ZNF536: variants seen among roughly 807,000 people sequenced by gnomAD.
ZNF536 encodes zinc finger protein 536.
In ZNF536, 13 loss-of-function variants were observed where a neutral mutation model predicts 84.5. The observed-to-expected ratio is 0.15, with a 90% CI of 0.10 to 0.24. The LOEUF (loss-of-function observed/expected upper bound fraction) is 0.24, where lower values mean the gene tolerates loss of function less well. Among genes scored for constraint, ZNF536 ranks in the 10% least tolerant of loss-of-function variants. The probability of loss-of-function intolerance (pLI) is 1.00; values close to 1 mark genes in which losing one functional copy is unlikely to be tolerated. For synonymous variants in ZNF536, 811 were observed against 742.5 expected (o/e 1.09, Z -1.50); for missense variants, 1,536 against 1,747.5 (o/e 0.88, Z 2.16).
At chr19:30,657,199 T>C (rs918229542) in intron 1 of ZNF536, among the ~76,000 whole-genome samples, 2 of 152,106 alleles carry the variant, frequency 1.3e-5, no homozygotes, top group Admixed American at 1.3e-4. Flanking sequence ...TCTAACAGAC[T>C]GGGGGAGAGC....
At chr19:30,389,010 G>C (rs897971968) in intron 1 of ZNF536, among the ~76,000 whole-genome samples, 1 of 152,224 alleles carries the variant, frequency 6.6e-6, no homozygotes, top group African/African-American at 2.4e-5. Context: ...CGACCTGTGA[G>C]GAAGGAGGGA....
chr19:30,499,547 T>A (rs2054866222), intron 2 of ZNF536, among the ~76,000 whole-genome samples: 1 of 152,232 alleles, frequency 6.6e-6, no homozygotes, highest in Non-Finnish European at 1.5e-5. Flanking sequence ...TATGTATATG[T>A]GTGTGGACTC....
At chr19:30,607,492 G>A (rs2047941844) in intron 1 of ZNF536, among the ~76,000 whole-genome samples, 1 of 151,860 alleles carries the variant, frequency 6.6e-6, no homozygotes, top group Non-Finnish European at 1.5e-5. Flanking sequence ...GGCTCAGGTG[G>A]GCAGATCACC....
At chr19:30,503,546 G>C (rs921042757) in intron 2 of ZNF536, among the ~76,000 whole-genome samples, 4 of 152,238 alleles carry the variant, frequency 2.6e-5, no homozygotes, top group African/African-American at 9.6e-5. Flanking sequence ...AATTATGTGA[G>C]AGTATCTTAG....
chr19:30,672,212 C>T (rs1017117331), intron 1 of ZNF536, among the ~76,000 whole-genome samples: 1 of 152,222 alleles, frequency 6.6e-6, no homozygotes, highest in African/African-American at 2.4e-5. Context: ...AAATGATCTG[C>T]CAGTTGGGGT....
intron 1 of ZNF536, among the ~76,000 whole-genome samples, chr19:30,594,081 C>A (rs2047364833): frequency 1.3e-5 from 2 of 152,326 alleles, no homozygotes; most frequent in South Asian, 4.1e-4. Context: ...TATATAATAT[C>A]AAACACCAAA....
rs748565785 is a variant in ZNF536, at chr19:30,443,706, C to G, written c.144C>G (p.Pro48=). ...QITSQLSHAF[P]ELHPRPNPEE... ...CCTCCCAGCTCAGCCATGCCTTCCC[C>G]GAGCTCCATCCCCGGCCCAACCCCG... Residue 48 remains proline (P), a synonymous_variant, in exon 2 of 5, where the codon CCC becomes CCG. Coordinates refer to ENST00000355537, the MANE Select transcript of ZNF536 (RefSeq NM_014717.3). 6.2e-7 allele frequency: 1 copy of G among 1,613,770 alleles called. No individual in the cohort carries two copies.
chr19:30,677,827 T>A lies in ZNF536; in HGVS notation c.170-32930T>A, dbSNP rs1025952207. Among the ~76,000 whole-genome samples, 5 of 152,084 alleles carry A rather than the reference T, an allele frequency of 3.3e-5. No homozygotes were observed. In the South Asian group the frequency reaches 1.0e-3, roughly 32 times the overall value. On this transcript the variant is annotated intron_variant, in intron 1 of 1. Coordinates refer to the ZNF536 transcript ENST00000592773. ...CTGCACGTGGCCTGCCCCCTCTGATTTGGGGGGACTTGGTGATCCCTGAAT... is the reference window on the plus strand; with the variant it reads ...CTGCACGTGGCCTGCCCCCTCTGATATGGGGGGACTTGGTGATCCCTGAAT...
At chr19:30,509,727 C>T (rs939346162) in intron 2 of ZNF536, among the ~76,000 whole-genome samples, 2 of 152,160 alleles carry the variant, frequency 1.3e-5, no homozygotes, top group Non-Finnish European at 2.9e-5. Flanking sequence ...ATCCCACAAT[C>T]AGTACACTTT....
chr19:30,668,212 T>C (rs907508185), intron 1 of ZNF536, among the ~76,000 whole-genome samples: 9 of 152,170 alleles, frequency 5.9e-5, no homozygotes, highest in African/African-American at 2.2e-4. Flanking sequence ...AAAATTAAGA[T>C]ATTTATTTGC....
At chr19:30,614,010 G>A (rs537954976) in intron 1 of ZNF536, among the ~76,000 whole-genome samples, 144 of 152,222 alleles carry the variant, frequency 9.5e-4, no homozygotes, top group African/African-American at 3.3e-3. Context: ...CTACAGGTGC[G>A]TGCCACCATG....
intron 1 of ZNF536, among the ~76,000 whole-genome samples, chr19:30,253,897 C>T (rs1273084577): frequency 6.6e-6 from 1 of 152,142 alleles, no homozygotes; most frequent in Non-Finnish European, 1.5e-5. Flanking sequence ...TCAGAAAAGA[C>T]GCTAATCCCA....
chr19:30,620,117 G>A (rs1225663151), intron 1 of ZNF536, among the ~76,000 whole-genome samples: 5 of 150,564 alleles, frequency 3.3e-5, no homozygotes, highest in African/African-American at 1.2e-4. Context: ...AAGAATACAT[G>A]CTGGCTGACA....
chr19:30,383,977 A>G (rs1179838575), intron 1 of ZNF536, among the ~76,000 whole-genome samples: 4 of 55,614 alleles, frequency 7.2e-5, no homozygotes, highest in African/African-American at 1.4e-4. Context: ...TCCTTCTTCC[A>G]CTCTGCCAGC....
upstream of ZNF536, among the ~76,000 whole-genome samples, chr19:30,227,726 G>A (rs2022697550): frequency 6.6e-6 from 1 of 151,736 alleles, no homozygotes; most frequent in South Asian, 2.1e-4. Flanking sequence ...TTCCTCCTGC[G>A]CCTTCTCCCG....
At chr19:30,268,937 C>T (rs186752042) in intron 1 of ZNF536, among the ~76,000 whole-genome samples, 66 of 152,204 alleles carry the variant, frequency 4.3e-4, no homozygotes, top group African/African-American at 1.1e-3. Flanking sequence ...AACCTGTTTG[C>T]GAATGGTTCT....
intron 2 of ZNF536, among the ~76,000 whole-genome samples, chr19:30,488,069 T>TA (rs981562656): frequency 4.5e-4 from 68 of 152,310 alleles, no homozygotes; most frequent in African/African-American, 1.4e-3. Flanking sequence ...CCCAGGTTTC[T>TA]AGGTGGTACC....
At chr19:30,636,542 G>A (rs570029729) in intron 1 of ZNF536, among the ~76,000 whole-genome samples, 4 of 152,190 alleles carry the variant, frequency 2.6e-5, no homozygotes, top group Non-Finnish European at 5.9e-5. Context: ...AGTCCACAGG[G>A]TGGAAGCACA....
At chr19:30,680,813 C>T (rs952414713) in intron 1 of ZNF536, among the ~76,000 whole-genome samples, 4 of 152,130 alleles carry the variant, frequency 2.6e-5, no homozygotes, top group African/African-American at 9.7e-5. Flanking sequence ...TTCTAGATCC[C>T]TGAGGAATCG....
Sources: gnomAD v4.1 joint callset for allele counts (sites outside exome capture counted in the v4.1 genomes callset) on GRCh38, gnomAD v4.1.1 for gene constraint, MANE v1.5 for transcripts, NCBI Gene and HGNC (gene_info 2026-07-23, HGNC 2026-07-21) for gene names.